CASS4: variants seen among roughly 807,000 people sequenced by gnomAD.
CASS4 encodes Cas scaffold protein family member 4, also known as cas scaffolding protein family member 4.
Under a neutral mutation model 54.2 loss-of-function variants are expected in CASS4, and 22 were observed. That is an observed-to-expected ratio of 0.41 (90% CI 0.29 to 0.58). The LOEUF (loss-of-function observed/expected upper bound fraction) is 0.58, where lower values mean the gene tolerates loss of function less well. Ranked by LOEUF, CASS4 falls within the 20% of genes least tolerant of loss-of-function variation. The pLI, the probability that CASS4 is intolerant of heterozygous loss-of-function variation, is 0.36. For missense variants in CASS4, 854 were observed against 986.7 expected (o/e 0.87, Z 1.80); for synonymous variants, 409 against 391.5 (o/e 1.04, Z -0.53).
intron 2 of CASS4, among the ~76,000 whole-genome samples, chr20:56,441,020 G>T (rs1257032858): frequency 1.4e-5 from 2 of 139,846 alleles, no homozygotes; most frequent in East Asian, 2.1e-4. Context: ...GCAGAATCTC[G>T]CTCTGTCACC....
intron 1 of CASS4, among the ~76,000 whole-genome samples, chr20:56,434,019 A>C (rs1005252498): frequency 6.6e-6 from 1 of 152,210 alleles, no homozygotes; most frequent in Non-Finnish European, 1.5e-5. Context: ...ATGTGCTGGG[A>C]AACATTTCAA....
At chr20:56,447,729 G>C (rs1213473864) in intron 3 of CASS4, among the ~76,000 whole-genome samples, 1 of 152,184 alleles carries the variant, frequency 6.6e-6, no homozygotes, top group Non-Finnish European at 1.5e-5. Context: ...CATTCCCTGA[G>C]CCATTCCTCC....
chr20:56,458,814 G>A lies in CASS4; in HGVS notation c.*67G>A, dbSNP rs2146303344. On this transcript the variant is annotated 3_prime_UTR_variant, in exon 6 of 6. Coordinates refer to ENST00000679887, the MANE Select transcript of CASS4 (RefSeq NM_020356.4). The stretch of plus-strand genomic sequence containing the variant: ...TCACACCCACAACTTGTGCAACTCT[G>A]CCCTATGGGAAAAGCCAGCCGGGGC... The A allele has an allele frequency of 1.4e-6, 2 of 1,441,966 alleles. No homozygotes were observed. The highest frequency in any genetic ancestry group is 2.5e-4 in the Middle Eastern group (1 of 3,948). 89.3% of individuals were successfully genotyped at this position (1,441,966 alleles called of 1,614,324 possible).
In CASS4 at chr20:56,458,443, C is replaced by T; in HGVS notation, c.2057C>T (p.Ala686Val). 1 of 1,614,190 alleles carries T rather than the reference C, an allele frequency of 6.2e-7. No homozygotes were observed. The highest frequency in any genetic ancestry group is 8.5e-7 in the Non-Finnish European group (1 of 1,180,050). The change falls in exon 6 of 6, where the codon GCC (alanine) becomes GTC (valine). Residue 686 changes from alanine to valine, a missense_variant. Physicochemically the swap from Ala to Val is moderately conservative, Grantham distance 64 (BLOSUM62 0). Coordinates refer to ENST00000679887, the MANE Select transcript of CASS4 (RefSeq NM_020356.4). ...CRLYFGALFKAISAFHGSLSS... is the reference protein window; with the variant it reads ...CRLYFGALFKVISAFHGSLSS... ...CTCTACTTTGGGGCGCTCTTCAAAGCCATCAGCGCATTTCACGGCAGCCTC... is the reference window on the plus strand; with the variant it reads ...CTCTACTTTGGGGCGCTCTTCAAAGTCATCAGCGCATTTCACGGCAGCCTC...
Position 56,452,025 on chromosome 20 carries a change from AAGT to A in CASS4, c.850_852del (p.Ser284del). ...CCAGCTCCACTTTCTACAATCCTCC[AAGT>A]GGCAGATCCAGGTCCCTCACTCCAC... On this transcript the variant is annotated inframe_deletion, in exon 5 of 6. Coordinates refer to ENST00000679887, the MANE Select transcript of CASS4 (RefSeq NM_020356.4). The A allele has an allele frequency of 6.2e-7, 1 of 1,614,166 alleles. No homozygotes were observed. The highest frequency in any genetic ancestry group is 8.5e-7 in the Non-Finnish European group (1 of 1,180,020).
intron 1 of CASS4, among the ~76,000 whole-genome samples, chr20:56,435,810 G>A (rs1023159077): frequency 6.6e-6 from 1 of 152,090 alleles, no homozygotes; most frequent in Non-Finnish European, 1.5e-5. Flanking sequence ...GAGTGCAGTG[G>A]CATGATCTCG....
chr20:56,457,878 G>C (rs992251403), intron 5 of CASS4, among the ~76,000 whole-genome samples: 2 of 151,992 alleles, frequency 1.3e-5, no homozygotes, highest in African/African-American at 4.8e-5. Context: ...AATTGGGCAT[G>C]GTGGCAGGTG....
intron 2 of CASS4, among the ~76,000 whole-genome samples, chr20:56,442,426 T>C (rs544414602): frequency 6.6e-6 from 1 of 151,884 alleles, no homozygotes; most frequent in East Asian, 1.9e-4. Context: ...TTCCTTGATC[T>C]TCTTTCACCT....
chr20:56,422,196 G>A (rs866719273), intron 1 of CASS4, among the ~76,000 whole-genome samples: 4 of 152,190 alleles, frequency 2.6e-5, no homozygotes, highest in Middle Eastern at 3.2e-3. Flanking sequence ...TAGACTTGGC[G>A]GTGGCAGGCA....
chr20:56,419,306 A>T (rs367757855), intron 1 of CASS4, among the ~76,000 whole-genome samples: 5 of 152,364 alleles, frequency 3.3e-5, no homozygotes, highest in Admixed American at 2.0e-4. Context: ...CATAACGCCT[A>T]TGAAGTGTTT....
In CASS4 at chr20:56,452,303, C is replaced by T. The variant is rs780870845; in HGVS notation, c.1127C>T (p.Ser376Phe). The T allele has an allele frequency of 6.2e-7, 1 of 1,613,866 alleles. No individual in the cohort carries two copies. The highest frequency in any genetic ancestry group is 8.5e-7 in the Non-Finnish European group (1 of 1,180,030). ...AAAGCCAAGGAGGTGTCAGAGAATT[C>T]CGCGGGCCATAATTCCTCATGGTTC... ...LEKAKEVSENSAGHNSSWFSR... is the reference protein window; with the variant it reads ...LEKAKEVSENFAGHNSSWFSR... The change falls in exon 5 of 6, where the codon TCC (serine) becomes TTC (phenylalanine). Residue 376 changes from serine (S) to phenylalanine (F), a missense_variant. Coordinates refer to ENST00000679887, the MANE Select transcript of CASS4 (RefSeq NM_020356.4).
rs1469571308 is a variant in CASS4, at chr20:56,430,254, A to C, written c.37-6910A>C. Among the ~76,000 whole-genome samples, 1 of 152,182 alleles carries C rather than the reference A, an allele frequency of 6.6e-6. No homozygotes were observed. The highest frequency in any genetic ancestry group is 2.4e-5 in the African/African-American group (1 of 41,452). The stretch of plus-strand genomic sequence containing the variant: ...TCAGCATGAAGGCAGTGAGTCTCTT[A>C]TTCTTCACGTTTGTTTCCCTATCCT... On this transcript the variant is annotated intron_variant, in intron 1 of 5. Coordinates refer to ENST00000679887, the MANE Select transcript of CASS4 (RefSeq NM_020356.4). This position sits in a 1 kb window ranked among gnomAD's most constrained non-coding sequence, Gnocchi z 4.2.
intron 3 of CASS4, among the ~76,000 whole-genome samples, chr20:56,447,225 A>G (rs1006613154): frequency 6.6e-6 from 1 of 152,036 alleles, no homozygotes; most frequent in Non-Finnish European, 1.5e-5. Context: ...AAAAAATCAA[A>G]ATCAAAAATT....
intron 2 of CASS4, among the ~76,000 whole-genome samples, chr20:56,441,269 C>T (rs569516230): frequency 6.6e-6 from 1 of 150,388 alleles, no homozygotes; most frequent in African/African-American, 2.4e-5. Flanking sequence ...GCTGGGATTA[C>T]AGGCGTGAGC....
chr20:56,429,671 C>G (rs1267457392), intron 1 of CASS4, among the ~76,000 whole-genome samples: 1 of 152,016 alleles, frequency 6.6e-6, no homozygotes, highest in Non-Finnish European at 1.5e-5. Flanking sequence ...GGCCTCCACA[C>G]ATTCCTCTTC....
chr20:56,413,739 C>G (rs1979001864), intron 1 of CASS4, among the ~76,000 whole-genome samples: 1 of 147,002 alleles, frequency 6.8e-6, no homozygotes, highest in Non-Finnish European at 1.5e-5. Flanking sequence ...CCATGACAGT[C>G]TCTCTTGTAT....
rs142134714 is a variant in CASS4 at position 56,414,068 on chromosome 20, A to T, written c.36+1574A>T. Reference sequence around the variant, plus strand: ...ACAAGGACATTCATCTACAGAACGTAGAAGAATATCTACATATCATCATAC... The same window carrying T: ...ACAAGGACATTCATCTACAGAACGTTGAAGAATATCTACATATCATCATAC... On this transcript the variant is annotated intron_variant, in intron 1 of 5. Transcript: ENST00000679887. The surrounding 1 kb of genome is among the most constrained non-coding windows in gnomAD (Gnocchi z 4.1). Among the ~76,000 whole-genome samples the T allele has an allele frequency of 5.3e-5, 8 of 152,366 alleles. No homozygotes were observed. The East Asian group carries it at 1.5e-3, about 29-fold the overall frequency.
chr20:56,421,038 G>T (rs2426625), intron 1 of CASS4, among the ~76,000 whole-genome samples: 84 of 152,300 alleles, frequency 5.5e-4, no homozygotes, highest in Admixed American at 1.1e-3. Context: ...CTCTAAAAAT[G>T]ACCATAGAAA....
intron 1 of CASS4, among the ~76,000 whole-genome samples, chr20:56,413,724 G>A (rs188072193): frequency 1.4e-5 from 2 of 145,394 alleles, no homozygotes; most frequent in African/African-American, 5.1e-5. Context: ...TTGTGACTGA[G>A]TAACCCATGA....
Sources: gnomAD v4.1 joint callset for allele counts (sites outside exome capture counted in the v4.1 genomes callset) on GRCh38, gnomAD v4.1.1 for gene constraint, Gnocchi (gnomAD v3.1) non-coding constraint, MANE v1.5 for transcripts, NCBI Gene and HGNC (gene_info 2026-07-23, HGNC 2026-07-21) for gene names.